Variants in INSIG2 observed in about 807,000 individuals in gnomAD.
INSIG2 encodes insulin induced gene 2, also known as insulin-induced gene 2 protein.
In INSIG2, 10 loss-of-function variants were observed where a neutral mutation model predicts 27.2. The ratio of observed to expected loss-of-function variants is 0.37; its 90% CI spans 0.23 to 0.62. The LOEUF (loss-of-function observed/expected upper bound fraction) is 0.62. INSIG2 is among the 20% of genes least tolerant of loss of function. The probability of loss-of-function intolerance (pLI) is 0.65; values close to 1 mark genes in which losing one functional copy is unlikely to be tolerated. For missense variants in INSIG2, 178 were observed against 270.2 expected (o/e 0.66, Z 2.39); for synonymous variants, 97 against 95.8 (o/e 1.01, Z -0.07).
chr2:118,100,967 T>C (rs560211087), intron 2 of INSIG2, among the ~76,000 whole-genome samples: 41 of 144,218 alleles, frequency 2.8e-4, no homozygotes, highest in African/African-American at 1.2e-3. Flanking sequence ...CACTGGGAAA[T>C]AACTTAAAGG....
At chr2:118,094,269 A>ATGAT (rs1558833046) in intron 1 of INSIG2, among the ~76,000 whole-genome samples, 24 of 49,966 alleles carry the variant, frequency 4.8e-4, no homozygotes, top group African/African-American at 1.3e-3. Flanking sequence ...ATGATGATGA[A>ATGAT]GGAGAGTTCT....
Position 118,108,433 on chromosome 2 carries a change from T to C in INSIG2, c.*111T>C. ...AAATTGCCAGGATGCAGTTTTCCCC[T>C]TGATTGGCGTGTGTGTATATATGGA... On this transcript the variant is annotated 3_prime_UTR_variant, in exon 6 of 6. Transcript: ENST00000245787. 1 of 743,526 alleles carries C rather than the reference T, an allele frequency of 1.3e-6. No individual in the cohort carries two copies. The allele number at this position is 743,526 out of a possible 1,614,324, so 46.1% of individuals were successfully genotyped here. A position where few individuals can be genotyped will look rare whatever the true frequency, so the allele number is the denominator to read the frequency against.
At chr2:118,104,142 G>A (rs1423901824) in intron 3 of INSIG2, among the ~76,000 whole-genome samples, 1 of 152,184 alleles carries the variant, frequency 6.6e-6, no homozygotes, top group African/African-American at 2.4e-5. Flanking sequence ...GGTGGCAGGA[G>A]CCTTGGGTAC....
rs921668163 is a variant in INSIG2 at position 118,110,783 on chromosome 2, A to T, written c.*2461A>T. On this transcript the variant is annotated 3_prime_UTR_variant, in exon 6 of 6. Coordinates refer to ENST00000245787, the MANE Select transcript of INSIG2 (RefSeq NM_016133.4). ...GTTATGGAAATTTGCACAGTTGAAA[A>T]CTGGGGATAAATTCTACAAAAGTGC... is the stretch of plus-strand genomic sequence containing the variant. 6 of 152,080 alleles carry T rather than the reference A, an allele frequency of 3.9e-5. No homozygotes were observed. Among genetic ancestry groups the T allele is most frequent in the Non-Finnish European group, 8.8e-5 (6 of 68,018 alleles). The allele number at this position is 152,080 out of a possible 1,614,324, so 9.4% of individuals were successfully genotyped here.
chr2:118,100,963 G>A (rs1297471933), intron 2 of INSIG2, among the ~76,000 whole-genome samples: 1 of 151,408 alleles, frequency 6.6e-6, no homozygotes, highest in Non-Finnish European at 1.5e-5. Flanking sequence ...TAGTCACTGG[G>A]AAATAACTTA....
intron 2 of INSIG2, among the ~76,000 whole-genome samples, chr2:118,101,356 G>GT (rs1678539808): frequency 6.6e-6 from 1 of 152,192 alleles, no homozygotes; most frequent in Admixed American, 6.5e-5. Flanking sequence ...TTCTTTTTGT[G>GT]TTTTTGCTTT....
intron 1 of INSIG2, among the ~76,000 whole-genome samples, chr2:118,093,923 A>AGAT (rs1178018722): frequency 0.029 from 376 of 13,132 alleles, 103 homozygotes; most frequent in Non-Finnish European, 0.043. Context: ...AAAAGCAACC[A>AGAT]GATGATGATG....
Position 118,096,571 on chromosome 2 carries a change from G to A in INSIG2, c.15G>A (p.Glu5=). The change falls in exon 2 of 6, where the codon GAG becomes GAA. Residue 5 remains glutamate (E), a synonymous_variant. Coordinates refer to ENST00000245787, the MANE Select transcript of INSIG2 (RefSeq NM_016133.4). ...CCTATGAAACCATGGCAGAAGGAGAGACAGAGTCACCTGGGCCCAAAAAGT... is the reference window on the plus strand; with the variant it reads ...CCTATGAAACCATGGCAGAAGGAGAAACAGAGTCACCTGGGCCCAAAAAGT... MAEG[E]TESPGPKKCG... is the part of the protein sequence containing the mutation. The A allele has an allele frequency of 6.2e-7, 1 of 1,612,972 alleles. No homozygotes were observed. Among genetic ancestry groups the A allele is most frequent in the South Asian group, 1.1e-5 (1 of 91,006 alleles).
chr2:118,095,655 T>G (rs1303242998), intron 1 of INSIG2, among the ~76,000 whole-genome samples: 1 of 152,194 alleles, frequency 6.6e-6, no homozygotes, highest in African/African-American at 2.4e-5. Context: ...TGGATAAAAC[T>G]CCTTAGAATC....
At chr2:118,090,630 G>A (rs562344637) in intron 1 of INSIG2, among the ~76,000 whole-genome samples, 4 of 152,116 alleles carry the variant, frequency 2.6e-5, no homozygotes, top group African/African-American at 4.8e-5. Context: ...AGGGCTCAGC[G>A]TAGAATTTTT....
intron 1 of INSIG2, among the ~76,000 whole-genome samples, chr2:118,094,341 G>C (rs1378928709): frequency 7.9e-6 from 1 of 127,172 alleles, no homozygotes; most frequent in Non-Finnish European, 1.6e-5. Context: ...GAGTTCTGTA[G>C]CTACTGAACC....
At chr2:118,094,374 G>GATGATGATGATGATA (rs1678358549) in intron 1 of INSIG2, among the ~76,000 whole-genome samples, 1 of 148,824 alleles carries the variant, frequency 6.7e-6, no homozygotes, top group Non-Finnish European at 1.5e-5. Flanking sequence ...ACCAGATGAT[G>GATGATGATGATGATA]ATGATGATGA....
At chr2:118,105,294 GTC>G (rs1420648214) in intron 3 of INSIG2, among the ~76,000 whole-genome samples, 1 of 152,138 alleles carries the variant, frequency 6.6e-6, no homozygotes, top group African/African-American at 2.4e-5. Flanking sequence ...GCCCACCTCG[GTC>G]TCTCAAAGTG....
chr2:118,106,570 GAC>G (rs1293648120), intron 3 of INSIG2, 165 bp from the exon 4 acceptor site: 2 of 567,700 alleles, frequency 3.5e-6, no homozygotes. Context: ...AAATACTGGA[GAC>G]AGTTTTAATC....
intron 2 of INSIG2, among the ~76,000 whole-genome samples, chr2:118,101,646 T>A (rs1678548330): frequency 6.6e-6 from 1 of 152,202 alleles, no homozygotes; most frequent in South Asian, 2.1e-4. Context: ...GATATTCGTT[T>A]AACTACATTT....
rs1678142957 is a variant in INSIG2 at position 118,088,537 on chromosome 2, C to CG, written c.-139+1dup. On this transcript the variant is annotated 5_prime_UTR_variant, in exon 1 of 6. An upstream open reading frame in the 5' UTR loses its in-frame stop. Transcript: ENST00000245787. Reference sequence around the variant, plus strand: ...GGCTGGTCCCAGAAGATGGCGGAGGCGGGGGTGAGTTGGGGGTCTCCCGGC... The same window carrying CG: ...GGCTGGTCCCAGAAGATGGCGGAGGCGGGGGGTGAGTTGGGGGTCTCCCGGC... 3 of 152,368 alleles carry CG rather than the reference C, an allele frequency of 2.0e-5. No homozygotes were observed. Among genetic ancestry groups the CG allele is most frequent in the Admixed American group, 2.0e-4 (3 of 15,256 alleles). 9.4% of individuals were successfully genotyped at this position (152,368 alleles called of 1,614,324 possible).
intron 1 of INSIG2, among the ~76,000 whole-genome samples, chr2:118,094,367 AGATGATGAT>A (rs34116355): frequency 8.5e-6 from 1 of 118,096 alleles, no homozygotes; most frequent in Admixed American, 8.2e-5. Context: ...AAAAGCAACC[AGATGATGAT>A]GATGATGATG....
chr2:118,095,981 C>G (rs1243049580), intron 1 of INSIG2, among the ~76,000 whole-genome samples: 1 of 152,192 alleles, frequency 6.6e-6, no homozygotes, highest in East Asian at 1.9e-4. Flanking sequence ...TATACAGCGT[C>G]TTCAGTCAGA....
In INSIG2 at chr2:118,108,887, T is replaced by C. The variant is rs541934995; in HGVS notation, c.*565T>C. 1 of 152,346 alleles carries C rather than the reference T, an allele frequency of 6.6e-6. No individual in the cohort carries two copies. Among genetic ancestry groups the C allele is most frequent in the African/African-American group, 2.4e-5 (1 of 41,572 alleles). 9.4% of individuals were successfully genotyped at this position (152,346 alleles called of 1,614,324 possible). A position where few individuals can be genotyped will look rare whatever the true frequency, so the allele number is the denominator to read the frequency against. ...TAATTTAATGTTGTTTCATAGAGTT[T>C]GGAGTGTTTTGATACAGGGTGAAAA... On this transcript the variant is annotated 3_prime_UTR_variant, in exon 6 of 6. Coordinates refer to ENST00000245787, the MANE Select transcript of INSIG2 (RefSeq NM_016133.4).
Sources: allele counts gnomAD v4.1 joint callset (sites outside exome capture counted in the v4.1 genomes callset), GRCh38; gene constraint gnomAD v4.1.1; transcripts MANE v1.5; gene names NCBI Gene and HGNC (gene_info 2026-07-23, HGNC 2026-07-21).